The following E2F2 variants were observed in gnomAD, a reference collection of about 807,000 sequenced individuals.
E2F2 encodes E2F transcription factor 2, also known as transcription factor E2F2.
E2F2 carries 22 observed loss-of-function variants against 42.2 expected under a neutral mutation model. The observed-to-expected ratio is 0.52, with a 90% confidence interval of 0.37 to 0.74. The LOEUF (loss-of-function observed/expected upper bound fraction) is 0.74, where lower values mean the gene tolerates loss of function less well. E2F2 is among the 30% of genes least tolerant of loss of function. The pLI is 0.00. For missense variants in E2F2, 481 were observed against 557.8 expected, an observed-to-expected ratio of 0.86 and a Z score of 1.39; for synonymous variants, 248 against 251.6, an observed-to-expected ratio of 0.99 and a Z score of 0.13.
Position 23,530,568 on chromosome 1 carries a change from G to C in E2F2, c.226C>G (p.Arg76Gly). The change falls in exon 1 of 7, where the codon CGA becomes GGA. Residue 76 changes from arginine (R) to glycine (G), a missense_variant. By Grantham distance (125) the Arg-to-Gly change is moderately radical. Transcript: ENST00000361729. This position sits in a 1 kb window ranked among gnomAD's most constrained non-coding sequence, Gnocchi z 4.4. ...GGCAGCCGGCCTGCCGGCAGGCATC[G>C]CACAACTTGGCCCTCGGGTCCGTGG... ...TPHGPEGQVVRCLPAGRLPAK... is the reference protein window; with the variant it reads ...TPHGPEGQVVGCLPAGRLPAK... 1 of 1,611,938 alleles carries C rather than the reference G, an allele frequency of 6.2e-7. No homozygotes were observed. The highest frequency in any genetic ancestry group is 2.2e-5 in the East Asian group (1 of 44,844).
At chr1:23,514,833 CAAAA>C (rs74604082) in intron 6 of E2F2, among the ~76,000 whole-genome samples, 4 of 46,742 alleles carry the variant, frequency 8.6e-5, no homozygotes, top group African/African-American at 1.4e-4. Context: ...GAGACTGTCT[CAAAA>C]AAAAAAAAAA....
At chr1:23,520,856 T>C (rs1643129219) in intron 4 of E2F2, 57 bp downstream of exon 4, 1 of 1,475,368 alleles carries the variant, frequency 6.8e-7, no homozygotes, top group Non-Finnish European at 9.0e-7. Flanking sequence ...TCAGGATAGA[T>C]ATAAACATGC....
chr1:23,520,969 G>A lies in E2F2; in HGVS notation c.681C>T (p.Leu227=), dbSNP rs1643131839. ...TGAAGCTCAGAGAGCAGCTCTGGAT[G>A]AGCTGGTCCAAGGCCTGCTCCGTGT... ...LMNTEQALDQ[L]IQSCSLSFKH... Residue 227 remains leucine, a synonymous_variant, in exon 4 of 7, where the codon CTC becomes CTT. Coordinates refer to ENST00000361729, the MANE Select transcript of E2F2 (RefSeq NM_004091.4). 1 of 1,612,864 alleles carries A rather than the reference G, an allele frequency of 6.2e-7. No individual in the cohort carries two copies. The highest frequency in any genetic ancestry group is 1.1e-5 in the South Asian group (1 of 90,928).
At chr1:23,516,301 C>T in intron 6 of E2F2, 34 bp downstream of exon 6, 1 of 1,449,630 alleles carries the variant, frequency 6.9e-7, no homozygotes, top group Admixed American at 3.0e-5. Context: ...CGGTCTCTCC[C>T]CCCACCTCCT....
chr1:23,529,644 G>A (rs146651796), intron 1 of E2F2, among the ~76,000 whole-genome samples: 20 of 152,292 alleles, frequency 1.3e-4, no homozygotes, highest in African/African-American at 4.3e-4. Context: ...GTGCACACAC[G>A]CATTGTGAAG....
At chr1:23,516,807 G>GGC (rs1643031702) in intron 5 of E2F2, among the ~76,000 whole-genome samples, 1 of 138,880 alleles carries the variant, frequency 7.2e-6, no homozygotes, top group Non-Finnish European at 1.6e-5. Context: ...GCGGGGGGGG[G>GGC]GGGGCAGCAC....
chr1:23,524,180 A>G (rs1360344115), intron 2 of E2F2, among the ~76,000 whole-genome samples: 1 of 152,194 alleles, frequency 6.6e-6, no homozygotes, highest in East Asian at 1.9e-4. Flanking sequence ...ACTATGGGCA[A>G]GTCACTCAAG....
Position 23,524,372 on chromosome 1 carries a change from G to A in E2F2, c.358+11C>T. On this transcript the variant is annotated intron_variant, in intron 2 of 6. Coordinates refer to ENST00000361729, the MANE Select transcript of E2F2 (RefSeq NM_004091.4). ...CCACCCCACCCCAGAGGCCCCATCA[G>A]CACTGCTTACTTTTGGGGCTGGGGA... is the stretch of plus-strand genomic sequence containing the variant. 4 of 1,563,364 alleles carry A rather than the reference G, an allele frequency of 2.6e-6. No individual in the cohort carries two copies. Among genetic ancestry groups the A allele is most frequent in the East Asian group, 2.4e-5 (1 of 42,372 alleles).
chr1:23,516,987 G>T (rs1643037975), intron 5 of E2F2, among the ~76,000 whole-genome samples: 1 of 152,120 alleles, frequency 6.6e-6, no homozygotes, highest in Non-Finnish European at 1.5e-5. Flanking sequence ...TGCTGAGCTG[G>T]TATCATAAAA....
At chr1:23,523,077 C>T (rs560488405) in intron 2 of E2F2, among the ~76,000 whole-genome samples, 2 of 152,000 alleles carry the variant, frequency 1.3e-5, no homozygotes, top group African/African-American at 4.8e-5. Context: ...CCTGTCAGGT[C>T]GGAGCAGAAT....
chr1:23,505,910 C>T (rs1642787564), downstream of E2F2, among the ~76,000 whole-genome samples: 1 of 152,162 alleles, frequency 6.6e-6, no homozygotes, highest in South Asian at 2.1e-4. Context: ...ATTCTCCTGC[C>T]TCAGCCTCTT....
Position 23,519,134 on chromosome 1 carries a change from G to C in E2F2, c.738-4C>G. ...CTGGTAAGTCACATAGGCCAGCGTA[G>C]GGCAGGAGAGTCAAGAAAAGTGACT... On this transcript the variant is annotated splice_polypyrimidine_tract_variant and splice_region_variant and intron_variant, in intron 4 of 6. Transcript: ENST00000361729. 6.2e-7 allele frequency: 1 copy of C among 1,609,346 alleles called. No individual in the cohort carries two copies. Among genetic ancestry groups the C allele is most frequent in the Non-Finnish European group, 8.5e-7 (1 of 1,176,750 alleles).
Position 23,530,985 on chromosome 1 carries a change from T to A in E2F2, c.-192A>T. On this transcript the variant is annotated 5_prime_UTR_variant, in exon 1 of 7. Transcript: ENST00000361729. The surrounding 1 kb of genome is among the most constrained non-coding windows in gnomAD (Gnocchi z 4.4). ...CCGAGCAGAGAGCAGCGCTTAGAGA[T>A]CGCCGCTTGGAGATCGCCCGGCGGC... 1.7e-6 allele frequency: 1 copy of A among 598,672 alleles called. No homozygotes were observed. Among genetic ancestry groups the A allele is most frequent in the Non-Finnish European group, 2.5e-6 (1 of 392,184 alleles). 37.1% of individuals were successfully genotyped at this position (598,672 alleles called of 1,614,324 possible). A position where few individuals can be genotyped will look rare whatever the true frequency, so the allele number is the denominator to read the frequency against.
intron 1 of E2F2, among the ~76,000 whole-genome samples, chr1:23,524,901 CA>C (rs1037522970): frequency 1.3e-5 from 2 of 152,214 alleles, no homozygotes; most frequent in African/African-American, 4.8e-5. Context: ...GGCCCCCCTA[CA>C]GAAGCAGCTG....
intron 1 of E2F2, among the ~76,000 whole-genome samples, chr1:23,528,435 C>T (rs2282724): frequency 0.051 from 7,790 of 152,242 alleles, 490 homozygotes; most frequent in South Asian, 0.3. Flanking sequence ...GGCCTGCCCA[C>T]GGGGCTGGGC....
chr1:23,512,070 C>T (rs1037453693), intron 6 of E2F2, among the ~76,000 whole-genome samples: 2 of 152,052 alleles, frequency 1.3e-5, no homozygotes, highest in African/African-American at 4.8e-5. Flanking sequence ...TGGTGGCAGG[C>T]ATCTGTAATC....
chr1:23,517,068 A>G (rs1049569424), intron 5 of E2F2, among the ~76,000 whole-genome samples: 2 of 152,182 alleles, frequency 1.3e-5, no homozygotes, highest in African/African-American at 2.4e-5. Context: ...CAGAGAGATG[A>G]AAAGCGTGAG....
chr1:23,519,065 GCAATCA>G lies in E2F2; in HGVS notation c.797_802del (p.Val266_Ile267del). On this transcript the variant is annotated inframe_deletion, in exon 5 of 7. Coordinates refer to ENST00000361729, the MANE Select transcript of E2F2 (RefSeq NM_004091.4). ...TCTCGTCTGCGGAGGGGCCTTGACG[GCAATCA>G]CTGTCTGCTCCTTAAAGTTGCCAAC... 1 of 1,613,928 alleles carries G rather than the reference GCAATCA, an allele frequency of 6.2e-7. No homozygotes were observed. Among genetic ancestry groups the G allele is most frequent in the East Asian group, 2.2e-5 (1 of 44,876 alleles).
chr1:23,527,433 C>T (rs1366196320), intron 1 of E2F2, among the ~76,000 whole-genome samples: 2 of 152,224 alleles, frequency 1.3e-5, no homozygotes, highest in Non-Finnish European at 2.9e-5. Flanking sequence ...TCTTCAAGGC[C>T]TGGTCAGGAC....
Sources: gnomAD v4.1 joint callset for allele counts (sites outside exome capture counted in the v4.1 genomes callset) on GRCh38, gnomAD v4.1.1 for gene constraint, Gnocchi (gnomAD v3.1) non-coding constraint, MANE v1.5 for transcripts, NCBI Gene and HGNC (gene_info 2026-07-23, HGNC 2026-07-21) for gene names.